The following DMD variants were observed in gnomAD, a reference collection of about 807,000 sequenced individuals.
DMD encodes mutant dystrophin.
DMD carries 63 observed loss-of-function variants against 330.1 expected under a neutral mutation model. The ratio of observed to expected loss-of-function variants is 0.19; its 90% CI spans 0.16 to 0.24. The LOEUF (loss-of-function observed/expected upper bound fraction) is 0.24, where lower values mean the gene tolerates loss of function less well. Ranked by LOEUF, DMD falls within the 10% of genes least tolerant of loss-of-function variation. The probability of loss-of-function intolerance (pLI) is 1.00; values close to 1 mark genes in which losing one functional copy is unlikely to be tolerated. For missense variants in DMD, 3,344 were observed against 2,684.1 expected (o/e 1.25, Z -5.43); for synonymous variants, 1,223 against 959.8 (o/e 1.27, Z -5.07).
intron 30 of DMD, among the ~76,000 whole-genome samples, chrX:32,411,476 T>A (rs1464165940): frequency 2.7e-5 from 3 of 111,453 alleles, no homozygotes; most frequent in Middle Eastern, 4.2e-3. Flanking sequence ...TTACTCTAGC[T>A]TTTAGTATAG....
intron 7 of DMD, among the ~76,000 whole-genome samples, chrX:32,729,235 T>C (rs1289847108): frequency 1.8e-5 from 2 of 111,977 alleles, no homozygotes; most frequent in Non-Finnish European, 3.8e-5. Context: ...CTCGTATGTA[T>C]AATAAAGATA....
intron 7 of DMD, among the ~76,000 whole-genome samples, chrX:32,782,187 G>T (rs754580749): frequency 3.6e-5 from 4 of 111,194 alleles, no homozygotes; most frequent in East Asian, 2.8e-4. Flanking sequence ...ACATTAAAAA[G>T]GTTCTTTTCT....
chrX:32,042,029 ATATAT>A, intron 44 of DMD, among the ~76,000 whole-genome samples: 1 of 11,059 alleles, frequency 9.0e-5, no homozygotes, highest in Admixed American at 7.0e-4. Context: ...CTCTGTTCAT[ATATAT>A]ATATATATAT....
At chrX:32,791,012 G>C (rs2075777714) in intron 7 of DMD, among the ~76,000 whole-genome samples, 2 of 110,979 alleles carry the variant, frequency 1.8e-5, no homozygotes, top group South Asian at 7.8e-4. Context: ...AATTTGTATA[G>C]AGACCTGGGG....
chrX:32,371,196 C>T (rs1356439188), intron 34 of DMD, among the ~76,000 whole-genome samples: 1 of 111,612 alleles, frequency 9.0e-6, no homozygotes, highest in Non-Finnish European at 1.9e-5. Context: ...TTTGTTCTTC[C>T]TGAGGTTAAA....
At chrX:32,529,378 A>AATTTTTTTTTTT (rs1569139194) in intron 17 of DMD, among the ~76,000 whole-genome samples, 5 of 73,060 alleles carry the variant, frequency 6.8e-5, no homozygotes, top group African/African-American at 2.2e-4. Context: ...GCAAAAATCA[A>AATTTTTTTTTTT]CTTTTTTTTT....
chrX:33,066,075 A>G (rs1450897766), intron 1 of DMD, among the ~76,000 whole-genome samples: 8 of 107,725 alleles, frequency 7.4e-5, no homozygotes, highest in African/African-American at 2.4e-4. Flanking sequence ...AAAAAAAACC[A>G]CCTTAAAACA....
chrX:31,866,710 G>A (rs1385477755), intron 48 of DMD, among the ~76,000 whole-genome samples: 1 of 111,973 alleles, frequency 8.9e-6, no homozygotes, highest in African/African-American at 3.2e-5. Context: ...AGAAACATTA[G>A]GGGTAAAGGG....
At chrX:33,297,547 T>C (rs1603429393) in intron 1 of DMD, among the ~76,000 whole-genome samples, 1 of 111,488 alleles carries the variant, frequency 9.0e-6, no homozygotes, top group East Asian at 2.8e-4. Flanking sequence ...TGACATTTAT[T>C]GCTGCATTAT....
chrX:32,840,560 G>A (rs1252029524), intron 4 of DMD, among the ~76,000 whole-genome samples: 1 of 111,641 alleles, frequency 9.0e-6, no homozygotes, highest in Non-Finnish European at 1.9e-5. Context: ...GGAACAGTGA[G>A]CACCGCAGAA....
intron 43 of DMD, among the ~76,000 whole-genome samples, chrX:32,262,229 G>A (rs1463491137): frequency 8.9e-6 from 1 of 111,893 alleles, no homozygotes; most frequent in Non-Finnish European, 1.9e-5. Flanking sequence ...TTAGTAGTTT[G>A]TGAGTGAAAG....
At chrX:31,584,668 C>T (rs2076501219) in intron 55 of DMD, among the ~76,000 whole-genome samples, 1 of 111,556 alleles carries the variant, frequency 9.0e-6, no homozygotes. Context: ...TGCAGGAACA[C>T]ATATGGAGCT....
intron 21 of DMD, among the ~76,000 whole-genome samples, chrX:32,475,571 T>C: frequency 9.0e-6 from 1 of 111,469 alleles, no homozygotes; most frequent in Non-Finnish European, 1.9e-5. Flanking sequence ...GTCTTTCGAC[T>C]CCTTGGTTAG....
chrX:32,191,203 C>CGA (rs1318537838), intron 44 of DMD, among the ~76,000 whole-genome samples: 3 of 111,610 alleles, frequency 2.7e-5, no homozygotes, highest in African/African-American at 9.8e-5. Context: ...TAGCTTCTAT[C>CGA]GAGAGACTGT....
chrX:31,982,411 A>G (rs961156005), intron 44 of DMD, among the ~76,000 whole-genome samples: 1 of 111,561 alleles, frequency 9.0e-6, no homozygotes, highest in Non-Finnish European at 1.9e-5. Flanking sequence ...ACAGAACAAG[A>G]GGAAATAAGA....
chrX:32,669,167 G>T (rs1480180215), intron 9 of DMD, among the ~76,000 whole-genome samples: 1 of 110,915 alleles, frequency 9.0e-6, no homozygotes, highest in Non-Finnish European at 1.9e-5. Context: ...CCTCAGAATT[G>T]ATTAAACTTT....
chrX:32,763,326 T>C (rs1054623045), intron 7 of DMD, among the ~76,000 whole-genome samples: 55 of 112,235 alleles, frequency 4.9e-4, no homozygotes, highest in African/African-American at 1.7e-3. Context: ...GTTATGCTGA[T>C]TTAAAGAGTG....
At chrX:31,968,633 C>G in intron 44 of DMD, 119 bp from the exon 45 acceptor site, 1 of 803,520 alleles carries the variant, frequency 1.2e-6, no homozygotes, top group Non-Finnish European at 1.8e-6. Flanking sequence ...TACAAAAGCT[C>G]CATGTGAAAA....
intron 30 of DMD, among the ~76,000 whole-genome samples, chrX:32,390,593 T>G (rs942083978): frequency 1.8e-5 from 2 of 112,334 alleles, no homozygotes; most frequent in Non-Finnish European, 3.8e-5. Context: ...GACATGATGT[T>G]AATCTGTAAG....
Sources: allele counts gnomAD v4.1 joint callset (sites outside exome capture counted in the v4.1 genomes callset), GRCh38; gene constraint gnomAD v4.1.1; transcripts MANE v1.5; gene names NCBI Gene and HGNC (gene_info 2026-07-23, HGNC 2026-07-21).